LRWD1: variants seen among roughly 807,000 people sequenced by gnomAD.
LRWD1 encodes leucine-rich repeat and WD repeat-containing protein 1.
A neutral mutation model predicts 75.6 loss-of-function variants in LRWD1; 76 were observed. The ratio of observed to expected loss-of-function variants is 1.01; its 90% CI spans 0.84 to 1.22. The LOEUF (loss-of-function observed/expected upper bound fraction) is 1.22. Among genes scored for constraint, LRWD1 ranks in the 50% most tolerant of loss-of-function variants. The probability of loss-of-function intolerance (pLI) is 0.00; values close to 1 mark genes in which losing one functional copy is unlikely to be tolerated. For synonymous variants in LRWD1, 487 were observed against 377.0 expected (o/e 1.29, Z -3.38); for missense variants, 917 against 862.0 (o/e 1.06, Z -0.80).
Position 102,472,234 on chromosome 7 carries a change from T to C in LRWD1, c.1459T>C (p.Phe487Leu). The C allele has an allele frequency of 6.3e-7, 1 of 1,595,366 alleles. No individual in the cohort carries two copies. Among genetic ancestry groups the C allele is most frequent in the Non-Finnish European group, 8.6e-7 (1 of 1,169,430 alleles). ...PQKRRVCEVE[F>L]VFSEGSEASG... ...GCCCCACAGGGTGTGTGAAGTGGAA[T>C]TCGTCTTCTCTGAGGGCTCCGAGGC... is the stretch of plus-strand genomic sequence containing the variant. The change falls in exon 12 of 15, where the codon TTC becomes CTC. Residue 487 changes from phenylalanine to leucine, a missense_variant. Physicochemically the swap from Phe to Leu is conservative, Grantham distance 22. Transcript: ENST00000292616.
chr7:102,467,280 G>A (rs1798037881), intron 3 of LRWD1, 59 bp from the exon 4 acceptor site: 5 of 1,539,154 alleles, frequency 3.2e-6, no homozygotes, highest in Admixed American at 3.9e-5. Flanking sequence ...CTGAGATGGA[G>A]GGCTGGGTCC....
Position 102,469,074 on chromosome 7 carries a change from C to T in LRWD1, c.1228+12C>T, listed in dbSNP as rs1309145829. On this transcript the variant is annotated intron_variant, in intron 9 of 14. Coordinates refer to ENST00000292616, the MANE Select transcript of LRWD1 (RefSeq NM_152892.3). ...GACCCATCTCTTCAGTAAGCCCCTC[C>T]CCTTCACCCCTGGGACCCCCAAGCA... The T allele has an allele frequency of 1.9e-6, 3 of 1,581,890 alleles. No individual in the cohort carries two copies. The highest frequency in any genetic ancestry group is 2.2e-4 in the Middle Eastern group (1 of 4,458).
rs748871732 is a variant in LRWD1 at position 102,472,694 on chromosome 7, A to G, written c.1693A>G (p.Lys565Glu). 81 of 1,613,358 alleles carry G rather than the reference A, an allele frequency of 5.0e-5. 1 individual carries two copies. In the South Asian group the frequency reaches 7.7e-4, roughly 15 times the overall value. The change falls in exon 14 of 15, where the codon AAG becomes GAG. Residue 565 changes from lysine to glutamate, a missense_variant and splice_region_variant. Coordinates refer to ENST00000292616, the MANE Select transcript of LRWD1 (RefSeq NM_152892.3). ...AGACTCCACCTCTGTCCCGGCAGAT[A>G]AGGGGATTGTGCTCTGTGGGGATGA... Reference protein sequence around the residue: ...AYFSLSACPDKGIVLCGDEEG... With the variant: ...AYFSLSACPDEGIVLCGDEEG...
At chr7:102,470,534 C>T (rs1363966751) in intron 11 of LRWD1, 2 of 152,412 alleles carry the variant, frequency 1.3e-5, no homozygotes, top group Admixed American at 6.5e-5. Flanking sequence ...GATGGATATT[C>T]TGGGGCTCAC....
chr7:102,468,097 C>T lies in LRWD1; in HGVS notation c.714C>T (p.Val238=), dbSNP rs536139722. The T allele has an allele frequency of 2.5e-6, 4 of 1,609,998 alleles. No individual in the cohort carries two copies. In the African/African-American group the frequency reaches 5.3e-5, roughly 21 times the overall value. ...RLAALKRPDD[V]PLSLSPSKRA... Reference sequence around the variant, plus strand: ...CGGCCTTGAAACGGCCAGACGACGTCCCACTCAGCCTCTCTCCCAGCAAGC... The same window carrying T: ...CGGCCTTGAAACGGCCAGACGACGTTCCACTCAGCCTCTCTCCCAGCAAGC... The change falls in exon 6 of 15, where the codon GTC becomes GTT. Residue 238 remains valine, a synonymous_variant. Transcript: ENST00000292616.
chr7:102,472,357 T>G (rs377633304), intron 12 of LRWD1, 48 bp downstream of exon 12: 78 of 1,552,480 alleles, frequency 5.0e-5, no homozygotes, highest in Non-Finnish European at 5.8e-5. Flanking sequence ...GGCACACAGA[T>G]GGACCGCTTG....
rs374197328 is a variant in LRWD1 at position 102,467,070 on chromosome 7, G to GGGGTGTGT, written c.433-268_433-267insGGTGTGTG. ...GACTATAGGCACCTGGGTTGTTGCT[G>GGGGTGTGT]GTGTGTGTGTGTGTGTGTGTGTGTG... On this transcript the variant is annotated intron_variant, in intron 3 of 14. Transcript: ENST00000292616. Among the ~76,000 whole-genome samples, 3 of 133,592 alleles carry GGGGTGTGT rather than the reference G, an allele frequency of 2.2e-5. No homozygotes were observed. The East Asian group carries it at 7.4e-4, about 33-fold the overall frequency. 87.6% of individuals were successfully genotyped at this position (133,592 alleles called of 152,430 possible). A position where few individuals can be genotyped will look rare whatever the true frequency, so the allele number is the denominator to read the frequency against.
chr7:102,471,718 C>T (rs1798192863), intron 11 of LRWD1: 1 of 182,546 alleles, frequency 5.5e-6, no homozygotes, highest in Non-Finnish European at 1.2e-5. Flanking sequence ...AGCTCTGAAC[C>T]ATGCAGCAGC....
In LRWD1 at chr7:102,473,061, C is replaced by G. The variant is rs375482672; in HGVS notation, c.*12C>G. Reference sequence around the variant, plus strand: ...GGGGGAGGATGTAGCCTCACACCATCGCAAAGGACCAGGGACACAGCTAAC... The same window carrying G: ...GGGGGAGGATGTAGCCTCACACCATGGCAAAGGACCAGGGACACAGCTAAC... On this transcript the variant is annotated 3_prime_UTR_variant, in exon 15 of 15. Coordinates refer to ENST00000292616, the MANE Select transcript of LRWD1 (RefSeq NM_152892.3). 367 of 1,606,732 alleles carry G rather than the reference C, an allele frequency of 2.3e-4. No homozygotes were observed. Among genetic ancestry groups the G allele is most frequent in the Non-Finnish European group, 3.0e-4 (351 of 1,175,476 alleles).
In LRWD1 at chr7:102,467,803, G is replaced by A. The variant is rs986744469; in HGVS notation, c.658G>A (p.Gly220Arg). The A allele has an allele frequency of 8.4e-6, 13 of 1,550,566 alleles. No individual in the cohort carries two copies. The highest frequency in any genetic ancestry group is 1.1e-5 in the Non-Finnish European group (13 of 1,147,158). ...CAGCCCAGAGAAGCCCCCAGAAGCT[G>A]GAGCTGCCCACAAGCCCAGGGTGAG... ...ANSPEKPPEAGAAHKPRARLA... is the reference protein window; with the variant it reads ...ANSPEKPPEARAAHKPRARLA... The change falls in exon 5 of 15, where the codon GGA (glycine) becomes AGA (arginine). Residue 220 changes from glycine to arginine, a missense_variant. Transcript: ENST00000292616.
At chr7:102,468,422 GC>G (rs751031686) in intron 7 of LRWD1, 45 bp downstream of exon 7, 14 of 1,555,816 alleles carry the variant, frequency 9.0e-6, no homozygotes, top group Admixed American at 5.8e-5. Context: ...TGGAAATAGG[GC>G]CGCCTGGATG....
intron 3 of LRWD1, 88 bp from the exon 4 acceptor site, chr7:102,467,251 G>T: frequency 6.9e-7 from 1 of 1,443,210 alleles, no homozygotes; most frequent in South Asian, 1.2e-5. Flanking sequence ...CTTCCAGCAG[G>T]TGGCGGGATT....
In LRWD1 at chr7:102,469,606, G is replaced by C; in HGVS notation, c.1261G>C (p.Asp421His). ...ASYDKRIILW[D>H]IGVPNQDYEF... Reference sequence around the variant, plus strand: ...CTATGACAAGCGGATCATCCTCTGGGACATCGGGGTGCCCAACCAGGACTA... The same window carrying C: ...CTATGACAAGCGGATCATCCTCTGGCACATCGGGGTGCCCAACCAGGACTA... The change falls in exon 10 of 15, where the codon GAC (aspartate) becomes CAC (histidine). Residue 421 changes from aspartate (D) to histidine (H), a missense_variant. Transcript: ENST00000292616. 2 of 1,614,046 alleles carry C rather than the reference G, an allele frequency of 1.2e-6. No individual in the cohort carries two copies. Among genetic ancestry groups the C allele is most frequent in the Non-Finnish European group, 1.7e-6 (2 of 1,179,880 alleles).
chr7:102,472,356 A>T, intron 12 of LRWD1, 47 bp downstream of exon 12: 1 of 1,552,830 alleles, frequency 6.4e-7, no homozygotes, highest in Non-Finnish European at 8.7e-7. Flanking sequence ...GGGCACACAG[A>T]TGGACCGCTT....
intron 9 of LRWD1, 75 bp from the exon 10 acceptor site, chr7:102,469,499 A>T (rs1323624126): frequency 6.4e-7 from 1 of 1,563,734 alleles, no homozygotes; most frequent in Non-Finnish European, 8.8e-7. Flanking sequence ...CCGTGGGCTC[A>T]GCCTGGGATG....
At chr7:102,465,511 T>G (rs1797938300) in intron 1 of LRWD1, 5 of 190,906 alleles carry the variant, frequency 2.6e-5, no homozygotes, top group Non-Finnish European at 3.0e-5. Flanking sequence ...TTTTTTTTTT[T>G]TTTTTTTTTT....
Position 102,473,029 on chromosome 7 carries a change from G to A in LRWD1, c.1924G>A (p.Ala642Thr). Residue 642 changes from alanine (A) to threonine (T), a missense_variant, in exon 15 of 15, where the codon GCC (alanine) becomes ACC (threonine). By Grantham distance (58) the Ala-to-Thr change is moderately conservative. Coordinates refer to ENST00000292616, the MANE Select transcript of LRWD1 (RefSeq NM_152892.3). ...CGCCCTGACGGACTCCAACATCGTA[G>A]CCATCTGGGGGAGGATGTAGCCTCA... ...LTALTDSNIV[A>T]IWGRM 1 of 1,613,582 alleles carries A rather than the reference G, an allele frequency of 6.2e-7. No individual in the cohort carries two copies.
intron 2 of LRWD1, 37 bp from the exon 3 acceptor site, chr7:102,466,117 T>G: frequency 6.2e-7 from 1 of 1,607,018 alleles, no homozygotes; most frequent in Non-Finnish European, 8.5e-7. Context: ...AGGCTCAGCA[T>G]CTCCTGAGCC....
At chr7:102,471,976 C>T (rs961228163) in intron 11 of LRWD1, 23 of 503,718 alleles carry the variant, frequency 4.6e-5, no homozygotes, top group Non-Finnish European at 6.9e-5. Context: ...TAGCCCCGTC[C>T]TGGAAGAGCC....
Sources: gnomAD v4.1 joint callset for allele counts (sites outside exome capture counted in the v4.1 genomes callset) on GRCh38, gnomAD v4.1.1 for gene constraint, MANE v1.5 for transcripts, NCBI Gene and HGNC (gene_info 2026-07-23, HGNC 2026-07-21) for gene names.